Variants in CTNNB1 observed in about 807,000 individuals in gnomAD.
CTNNB1 encodes catenin beta 1, also known as catenin beta-1.
A neutral mutation model predicts 82.5 loss-of-function variants in CTNNB1; 6 were observed. The ratio of observed to expected loss-of-function variants is 0.07; its 90% confidence interval spans 0.04 to 0.14. The LOEUF is 0.14. CTNNB1 is among the 10% of genes least tolerant of loss of function. CTNNB1 has a pLI of 1.00. For missense variants in CTNNB1, 529 were observed against 980.4 expected (o/e 0.54, Z 6.15); for synonymous variants, 312 against 329.7 (o/e 0.95, Z 0.58).
intron 1 of CTNNB1, among the ~76,000 whole-genome samples, chr3:41,210,884 G>T (rs958660557): frequency 1.3e-5 from 2 of 151,664 alleles, no homozygotes; most frequent in Non-Finnish European, 2.9e-5. Context: ...CAGACTCCTG[G>T]GCTCAAGTGA....
At chr3:41,216,370 G>A (rs1230763740) in intron 1 of CTNNB1, among the ~76,000 whole-genome samples, 2 of 152,232 alleles carry the variant, frequency 1.3e-5, no homozygotes, top group Non-Finnish European at 2.9e-5. Flanking sequence ...TAGTGACTTT[G>A]TAATGCAGTT....
In CTNNB1 at chr3:41,238,056, C is replaced by T. The variant is rs1482609443; in HGVS notation, c.2117C>T (p.Pro706Leu). 1 of 1,613,616 alleles carries T rather than the reference C, an allele frequency of 6.2e-7. No individual in the cohort carries two copies. Among genetic ancestry groups the T allele is most frequent in the Non-Finnish European group, 8.5e-7 (1 of 1,179,732 alleles). ...CTTGATATTGGTGCCCAGGGAGAAC[C>T]CCTTGGATATCGCCAGGATGGTATG... ...LGLDIGAQGE[P>L]LGYRQDDPSY... Residue 706 changes from proline (P) to leucine (L), a missense_variant, in exon 14 of 15, where the codon CCC becomes CTC. Physicochemically the swap from Pro to Leu is moderately conservative, Grantham distance 98 (BLOSUM62 -3). Around this residue, in one of 4 missense-constraint regions of CTNNB1, gnomAD observed 102 missense variants for 130.8 expected, o/e 0.78. Transcript: ENST00000349496.
intron 14 of CTNNB1, 141 bp from the exon 15 acceptor site, chr3:41,238,993 A>C: frequency 4.1e-6 from 3 of 739,706 alleles, no homozygotes; most frequent in Non-Finnish European, 4.8e-6. Context: ...GAGGTTGAAG[A>C]GGCTAGAAAG....
chr3:41,200,965 G>C (rs2077516380), intron 1 of CTNNB1, among the ~76,000 whole-genome samples: 1 of 152,192 alleles, frequency 6.6e-6, no homozygotes, highest in African/African-American at 2.4e-5. Flanking sequence ...ATCGAGGAGT[G>C]GTTTTAGTGA....
chr3:41,236,579 G>C lies in CTNNB1; in HGVS notation c.1955-9G>C, dbSNP rs2125646795. The C allele has an allele frequency of 6.2e-7, 1 of 1,614,164 alleles. No individual in the cohort carries two copies. Among genetic ancestry groups the C allele is most frequent in the Non-Finnish European group, 8.5e-7 (1 of 1,180,036 alleles). ...TTTCCTCAAGGGCCTTTTTCTCCTT[G>C]TCTCTTAGCGACATATGCAGCTGCT... On this transcript the variant is annotated splice_polypyrimidine_tract_variant and intron_variant, in intron 12 of 14. Transcript: ENST00000349496.
intron 7 of CTNNB1, among the ~76,000 whole-genome samples, chr3:41,232,100 G>GGGA (rs2078322497): frequency 1.3e-5 from 2 of 152,118 alleles, no homozygotes; most frequent in African/African-American, 2.4e-5. Context: ...AGCAGGGAAG[G>GGGA]GGAGGTAGAG....
At chr3:41,214,790 AT>A (rs1475422904) in intron 1 of CTNNB1, among the ~76,000 whole-genome samples, 2 of 152,222 alleles carry the variant, frequency 1.3e-5, no homozygotes, top group African/African-American at 2.4e-5. Flanking sequence ...AAAAAAAAAA[AT>A]CAAAAGGATA....
intron 14 of CTNNB1, among the ~76,000 whole-genome samples, chr3:41,238,740 C>G (rs2078500322): frequency 1.3e-5 from 2 of 152,152 alleles, no homozygotes; most frequent in Admixed American, 6.5e-5. Context: ...ACCTGCCAGA[C>G]CTCATTATTG....
At chr3:41,236,975 AAAG>A (rs1305664575) in intron 13 of CTNNB1, 23 of 583,062 alleles carry the variant, frequency 3.9e-5, no homozygotes, top group Middle Eastern at 4.5e-4. Context: ...TTACCAGATT[AAAG>A]AAGATTTTTC....
intron 1 of CTNNB1, among the ~76,000 whole-genome samples, chr3:41,217,325 T>C (rs935239332): frequency 8.5e-5 from 13 of 152,232 alleles, no homozygotes; most frequent in Non-Finnish European, 4.4e-5. Context: ...TTTCTTACTC[T>C]AAATTTTCTT....
intron 1 of CTNNB1, among the ~76,000 whole-genome samples, chr3:41,203,941 G>A (rs2077590997): frequency 6.6e-6 from 1 of 152,148 alleles, no homozygotes; most frequent in African/African-American, 2.4e-5. Context: ...TTGTTTTTCA[G>A]AATATGTTGC....
chr3:41,199,963 G>T (rs1371874497), intron 1 of CTNNB1: 2 of 147,226 alleles, frequency 1.4e-5, no homozygotes, highest in African/African-American at 5.1e-5. Context: ...CAGGCGGGGT[G>T]GGGGTGGGGG....
rs1553630452 is a variant in CTNNB1 at position 41,225,695 on chromosome 3, C to T, written c.770C>T (p.Thr257Ile). ...GATTCTGTGTTGTTTTATGCCATTA[C>T]AACTCTCCACAACCTTTTATTACAT... is the stretch of plus-strand genomic sequence containing the variant. ...PVDSVLFYAI[T>I]TLHNLLLHQE... Residue 257 changes from threonine (T) to isoleucine (I), a missense_variant, in exon 6 of 15, where the codon ACA (threonine) becomes ATA (isoleucine). Physicochemically the swap from Thr to Ile is moderately conservative, Grantham distance 89. This residue lies in a region of CTNNB1 where 411 missense variants were observed against 776.4 expected (regional missense o/e 0.53). Coordinates refer to ENST00000349496, the MANE Select transcript of CTNNB1 (RefSeq NM_001904.4). This position sits in a 1 kb window ranked among gnomAD's most constrained non-coding sequence, Gnocchi z 5.3. 6.2e-7 allele frequency: 1 copy of T among 1,614,168 alleles called. No homozygotes were observed. Among genetic ancestry groups the T allele is most frequent in the Non-Finnish European group, 8.5e-7 (1 of 1,180,008 alleles).
chr3:41,224,364 A>G, intron 2 of CTNNB1, 162 bp from the exon 3 acceptor site: 1 of 787,724 alleles, frequency 1.3e-6, no homozygotes, highest in Non-Finnish European at 2.1e-6. Flanking sequence ...TAGGTATTTC[A>G]TCACTGAGCT....
intron 7 of CTNNB1, 94 bp from the exon 8 acceptor site, chr3:41,233,247 C>G (rs571872854): frequency 2.0e-6 from 2 of 1,023,368 alleles, no homozygotes; most frequent in South Asian, 2.6e-5. Flanking sequence ...TCTGGAAATA[C>G]AGAAGGACAC....
rs2125644888 is a variant in CTNNB1, at chr3:41,235,797, A to G, written c.1757A>G (p.Asn586Ser). The G allele has an allele frequency of 6.2e-7, 1 of 1,614,034 alleles. No individual in the cohort carries two copies. The highest frequency in any genetic ancestry group is 8.5e-7 in the Non-Finnish European group (1 of 1,179,956). The stretch of plus-strand genomic sequence containing the variant: ...CACATCCTAGCTCGGGATGTTCACA[A>G]CCGAATTGTTATCAGAGGACTAAAT... ...ALHILARDVHNRIVIRGLNTI... is the reference protein window; with the variant it reads ...ALHILARDVHSRIVIRGLNTI... Residue 586 changes from asparagine to serine, a missense_variant, in exon 11 of 15, where the codon AAC (asparagine) becomes AGC (serine). Physicochemically the swap from Asn to Ser is conservative, Grantham distance 46 (BLOSUM62 1). This residue lies in a region of CTNNB1 where 411 missense variants were observed against 776.4 expected (regional missense o/e 0.53). Coordinates refer to ENST00000349496, the MANE Select transcript of CTNNB1 (RefSeq NM_001904.4).
chr3:41,233,180 T>TGA lies in CTNNB1; in HGVS notation c.1082-159_1082-158dup, dbSNP rs1020781646. ...GGTGAACTGGCAAAGTGAAGGAAAC[T>TGA]GAGCAACATTCTAGAAAATGAGAGG... On this transcript the variant is annotated intron_variant, in intron 7 of 14. Coordinates refer to ENST00000349496, the MANE Select transcript of CTNNB1 (RefSeq NM_001904.4). 9 of 704,478 alleles carry TGA rather than the reference T, an allele frequency of 1.3e-5. No homozygotes were observed. In the African/African-American group the frequency reaches 1.4e-4, roughly 11 times the overall value. The allele number at this position is 704,478 out of a possible 1,614,324, so 43.6% of individuals were successfully genotyped here.
rs929920992 is a variant in CTNNB1 at position 41,238,166 on chromosome 3, C to A, written c.2137+90C>A. On this transcript the variant is annotated intron_variant, in intron 14 of 14. Coordinates refer to ENST00000349496, the MANE Select transcript of CTNNB1 (RefSeq NM_001904.4). ...GAGCCGGTTTGCTCATCTGGGAAAC[C>A]AGTGTTGGCAGAAAAGTAGTGGCTT... The A allele has an allele frequency of 2.6e-6, 3 of 1,137,996 alleles. No individual in the cohort carries two copies. The African/African-American group carries it at 4.6e-5, about 17-fold the overall frequency. The allele number at this position is 1,137,996 out of a possible 1,614,324, so 70.5% of individuals were successfully genotyped here.
chr3:41,211,518 G>A (rs765827138), intron 1 of CTNNB1, among the ~76,000 whole-genome samples: 14 of 152,076 alleles, frequency 9.2e-5, no homozygotes, highest in Non-Finnish European at 1.3e-4. Flanking sequence ...AATAGATAAC[G>A]TTCTAACATT....
Sources: gnomAD v4.1 joint callset for allele counts (sites outside exome capture counted in the v4.1 genomes callset) on GRCh38, gnomAD v4.1.1 for gene constraint, gnomAD v4.1.1 regional missense constraint, Gnocchi (gnomAD v3.1) non-coding constraint, MANE v1.5 for transcripts, NCBI Gene and HGNC (gene_info 2026-07-23, HGNC 2026-07-21) for gene names.